Variants in SLCO1B1 observed in about 807,000 individuals in gnomAD.
SLCO1B1 encodes solute carrier organic anion transporter family member 1B1, also known as OATP-2.
In SLCO1B1, 81 loss-of-function variants were observed where a neutral mutation model predicts 70.1. That is an observed-to-expected ratio of 1.16 (90% CI 0.97 to 1.39). The LOEUF (loss-of-function observed/expected upper bound fraction) is 1.39. Among genes scored for constraint, SLCO1B1 ranks in the 40% most tolerant of loss-of-function variants. The probability of loss-of-function intolerance (pLI) is 0.00; values close to 1 mark genes in which losing one functional copy is unlikely to be tolerated. For missense variants in SLCO1B1, 895 were observed against 799.6 expected, an observed-to-expected ratio of 1.12 and a Z score of -1.44; for synonymous variants, 283 against 271.5, an observed-to-expected ratio of 1.04 and a Z score of -0.42.
rs184521602 is a variant in SLCO1B1 at position 21,144,847 on chromosome 12, C to A, written c.84+3189C>A. Among the ~76,000 whole-genome samples, 3 of 152,228 alleles carry A rather than the reference C, an allele frequency of 2.0e-5. No homozygotes were observed. The South Asian group carries it at 6.2e-4, about 32-fold the overall frequency. On this transcript the variant is annotated intron_variant, in intron 2 of 14. Coordinates refer to ENST00000256958, the MANE Select transcript of SLCO1B1 (RefSeq NM_006446.5). ...ATAAGTAAAGAAAAAATATTATTTT[C>A]GGTCAAGCAAATGCTAACAGAATTT... is the stretch of plus-strand genomic sequence containing the variant.
At chr12:21,139,693 A>T (rs1940280127) in intron 1 of SLCO1B1, among the ~76,000 whole-genome samples, 1 of 152,166 alleles carries the variant, frequency 6.6e-6, no homozygotes, top group African/African-American at 2.4e-5. Context: ...CTGGACTTTC[A>T]TGGGCATTCA....
chr12:21,162,523 A>G (rs537329371), intron 2 of SLCO1B1, among the ~76,000 whole-genome samples: 84 of 152,332 alleles, frequency 5.5e-4, no homozygotes, highest in Admixed American at 1.7e-3. Context: ...AGGAGGTGGC[A>G]TTAAGCTGGG....
intron 9 of SLCO1B1, among the ~76,000 whole-genome samples, 189 bp downstream of exon 9, chr12:21,200,861 A>C (rs1169752355): frequency 6.6e-6 from 1 of 152,160 alleles, no homozygotes; most frequent in Non-Finnish European, 1.5e-5. Context: ...CTGCATTTGA[A>C]GTTGCATCTT....
At chr12:21,175,750 T>C (rs1565673410) in intron 4 of SLCO1B1, among the ~76,000 whole-genome samples, 1 of 152,138 alleles carries the variant, frequency 6.6e-6, no homozygotes, top group Non-Finnish European at 1.5e-5. Flanking sequence ...TTTTTTTTCA[T>C]CTGCTTTTGG....
intron 10 of SLCO1B1, among the ~76,000 whole-genome samples, chr12:21,205,132 AATT>A (rs1216218808): frequency 1.3e-5 from 2 of 151,950 alleles, no homozygotes; most frequent in African/African-American, 2.4e-5. Flanking sequence ...ATCAATCCTC[AATT>A]ATTATCAAAT....
At chr12:21,184,011 A>G (rs1483950366) in intron 7 of SLCO1B1, among the ~76,000 whole-genome samples, 1 of 152,094 alleles carries the variant, frequency 6.6e-6, no homozygotes, top group Non-Finnish European at 1.5e-5. Context: ...CTTAAAAACC[A>G]GTTTTTATAA....
intron 1 of SLCO1B1, among the ~76,000 whole-genome samples, chr12:21,139,270 T>C (rs1184199665): frequency 1.3e-5 from 2 of 152,082 alleles, no homozygotes; most frequent in Non-Finnish European, 1.5e-5. Flanking sequence ...TGGGGTGAAA[T>C]TAATCAAAGG....
intron 2 of SLCO1B1, among the ~76,000 whole-genome samples, chr12:21,162,444 T>C (rs902575121): frequency 6.6e-6 from 1 of 152,130 alleles, no homozygotes; most frequent in Non-Finnish European, 1.5e-5. Flanking sequence ...AAATTTCCAT[T>C]CCACATGATA....
In SLCO1B1 at chr12:21,222,282, G is replaced by T; in HGVS notation, c.1683-18G>T. On this transcript the variant is annotated intron_variant, in intron 12 of 14. Transcript: ENST00000256958. ...TTTTAATGATATTTAATGTTTCTTT[G>T]CCTTTGTCTTGTTTCAGAATTGTTC... 7.7e-7 allele frequency: 1 copy of T among 1,296,826 alleles called. No individual in the cohort carries two copies. The highest frequency in any genetic ancestry group is 1.0e-6 in the Non-Finnish European group (1 of 963,118). 80.3% of individuals were successfully genotyped at this position (1,296,826 alleles called of 1,614,324 possible).
intron 7 of SLCO1B1, among the ~76,000 whole-genome samples, chr12:21,179,955 CCTT>C (rs1940873653): frequency 6.6e-6 from 1 of 152,120 alleles, no homozygotes; most frequent in South Asian, 2.1e-4. Context: ...AGATATCTCA[CCTT>C]CTCACCTCCC....
In SLCO1B1 at chr12:21,197,108, A is replaced by G. The variant is rs994816602; in HGVS notation, c.890A>G (p.His297Arg). ...QKERKASLSL[H>R]VLETNDEKDQ... is the part of the protein sequence containing the mutation. ...GAAAGAAAAGCTTCACTGTCTTTGCATGTGCTGGAAACAAATGATGAAAAG... is the reference window on the plus strand; with the variant it reads ...GAAAGAAAAGCTTCACTGTCTTTGCGTGTGCTGGAAACAAATGATGAAAAG... Residue 297 changes from histidine (H) to arginine (R), a missense_variant, in exon 8 of 15, where the codon CAT becomes CGT. Physicochemically the swap from His to Arg is conservative, Grantham distance 29. Coordinates refer to ENST00000256958, the MANE Select transcript of SLCO1B1 (RefSeq NM_006446.5). 2.0e-5 allele frequency: 32 copies of G among 1,613,620 alleles called. No homozygotes were observed. Among genetic ancestry groups the G allele is most frequent in the Non-Finnish European group, 2.6e-5 (31 of 1,179,730 alleles).
intron 2 of SLCO1B1, among the ~76,000 whole-genome samples, chr12:21,148,894 T>C (rs1940427585): frequency 6.6e-6 from 1 of 152,152 alleles, no homozygotes; most frequent in African/African-American, 2.4e-5. Context: ...CCTCTCTTAT[T>C]TCATTGAGCA....
intron 3 of SLCO1B1, 62 bp downstream of exon 3, chr12:21,172,853 C>A: frequency 6.9e-7 from 1 of 1,447,650 alleles, no homozygotes; most frequent in Non-Finnish European, 9.5e-7. Context: ...ATATGCTTTA[C>A]ACCACTGGTT....
Position 21,172,759 on chromosome 12 carries a change from T to G in SLCO1B1, c.194T>G (p.Leu65Arg). 3 of 1,613,546 alleles carry G rather than the reference T, an allele frequency of 1.9e-6. No homozygotes were observed. In the South Asian group the frequency reaches 3.3e-5, roughly 18 times the overall value. The part of the protein sequence containing the change: ...IERRFEISSS[L>R]VGFIDGSFEI... ...CGGAGATTTGAGATATCCTCTTCTC[T>G]TGTTGGTTTTATTGACGGAAGCTTT... The change falls in exon 3 of 15, where the codon CTT (leucine) becomes CGT (arginine). Residue 65 changes from leucine (L) to arginine (R), a missense_variant. Physicochemically the swap from Leu to Arg is moderately radical, Grantham distance 102. Coordinates refer to ENST00000256958, the MANE Select transcript of SLCO1B1 (RefSeq NM_006446.5).
In SLCO1B1 at chr12:21,174,718, TAAAAA is replaced by T; in HGVS notation, c.359+19_359+23del. ...CATTTCTTCATGGGATAGTAAGTGT[TAAAAA>T]AAAAAAAAACCTCTGTGCCACTATC... On this transcript the variant is annotated intron_variant, in intron 4 of 14. Transcript: ENST00000256958. 2 of 1,469,864 alleles carry T rather than the reference TAAAAA, an allele frequency of 1.4e-6. No homozygotes were observed. The allele number at this position is 1,469,864 out of a possible 1,614,324, so 91.1% of individuals were successfully genotyped here.
intron 12 of SLCO1B1, among the ~76,000 whole-genome samples, chr12:21,219,818 T>C (rs139086250): frequency 2.6e-3 from 368 of 143,016 alleles, no homozygotes; most frequent in African/African-American, 7.5e-3. Flanking sequence ...TGGAGTGCAG[T>C]AGCACAACCT....
intron 14 of SLCO1B1, among the ~76,000 whole-genome samples, chr12:21,237,645 A>T (rs1320992263): frequency 6.6e-6 from 1 of 152,120 alleles, no homozygotes; most frequent in African/African-American, 2.4e-5. Flanking sequence ...TCAAAGGACA[A>T]ATCCTTAGCA....
At chr12:21,132,763 T>G (rs776096101) in intron 1 of SLCO1B1, among the ~76,000 whole-genome samples, 15 of 152,180 alleles carry the variant, frequency 9.9e-5, no homozygotes, top group Non-Finnish European at 2.1e-4. Context: ...TTGCAAAAAT[T>G]TTCTCCCATT....
intron 1 of SLCO1B1, among the ~76,000 whole-genome samples, chr12:21,137,070 G>A (rs1470444882): frequency 6.6e-6 from 1 of 152,164 alleles, no homozygotes; most frequent in African/African-American, 2.4e-5. Flanking sequence ...TCAGCTGCAG[G>A]TCTGTTAGAG....
Sources: allele counts gnomAD v4.1 joint callset (sites outside exome capture counted in the v4.1 genomes callset), GRCh38; gene constraint gnomAD v4.1.1; transcripts MANE v1.5; gene names NCBI Gene and HGNC (gene_info 2026-07-23, HGNC 2026-07-21).